The following TEP1 variants were observed in gnomAD, a reference collection of about 807,000 sequenced individuals.
The protein encoded by TEP1 is telomerase associated protein 1, also known as telomerase protein component 1.
Under a neutral mutation model 306.3 loss-of-function variants are expected in TEP1, and 241 were observed. The ratio of observed to expected loss-of-function variants is 0.79; its 90% confidence interval spans 0.71 to 0.88. TEP1 has a LOEUF of 0.88. TEP1 is among the 40% of genes least tolerant of loss of function. TEP1 has a pLI of 0.00. For synonymous variants in TEP1, 1,289 were observed against 1,305.5 expected (o/e 0.99, Z 0.27); for missense variants, 3,051 against 3,276.1 (o/e 0.93, Z 1.68).
chr14:20,391,231 G>C, intron 13 of TEP1, 135 bp from the exon 14 acceptor site: 2 of 929,832 alleles, frequency 2.2e-6, no homozygotes, highest in East Asian at 5.3e-5. Flanking sequence ...GTTAGGAGGG[G>C]TCAGCTTCAG....
chr14:20,372,288 A>T (rs1268687786), intron 49 of TEP1, among the ~76,000 whole-genome samples: 21 of 151,294 alleles, frequency 1.4e-4, no homozygotes, highest in Admixed American at 1.4e-3. Context: ...GAAAACTCCT[A>T]CTCATTCTGT....
Position 20,382,248 on chromosome 14 carries a change from T to C in TEP1, c.4249A>G (p.Thr1417Ala). Residue 1417 changes from threonine (T) to alanine (A), a missense_variant, in exon 29 of 55, where the codon ACT (threonine) becomes GCT (alanine). Thr to Ala is a moderately conservative substitution (Grantham distance 58). Coordinates refer to ENST00000262715, the MANE Select transcript of TEP1 (RefSeq NM_007110.5). ...CCACTCCGTGTGACTTCTAGGGCAGTCAAGGCCTGGGGAAGGACATCAGGC... is the reference window on the plus strand; with the variant it reads ...CCACTCCGTGTGACTTCTAGGGCAGCCAAGGCCTGGGGAAGGACATCAGGC... ...HGPDVLPQAL[T>A]ALEVTRSGLT... 6.2e-7 allele frequency: 1 copy of C among 1,614,102 alleles called. No individual in the cohort carries two copies. Among genetic ancestry groups the C allele is most frequent in the East Asian group, 2.2e-5 (1 of 44,868 alleles).
rs370020677 is a variant in TEP1, at chr14:20,408,423, C to T, written c.17G>A (p.Gly6Glu). The T allele has an allele frequency of 2.3e-5, 37 of 1,612,914 alleles. No homozygotes were observed. Among genetic ancestry groups the T allele is most frequent in the Non-Finnish European group, 3.1e-5 (36 of 1,179,808 alleles). The change falls in exon 2 of 55, where the codon GGG becomes GAG. Residue 6 changes from glycine to glutamate, a missense_variant. Around this residue, in one of 3 missense-constraint regions of TEP1, gnomAD observed 1,507 missense variants for 1,550.5 expected, o/e 0.97. Transcript: ENST00000262715. MEKLH[G>E]HVSAHPDILS... ...GATGTCTGGATGGGCAGACACATGC[C>T]CATGGAGTTTTTCCATGGCTGAAAC...
At chr14:20,398,118 G>A (rs544339864) in intron 9 of TEP1, among the ~76,000 whole-genome samples, 40 of 151,710 alleles carry the variant, frequency 2.6e-4, no homozygotes, top group African/African-American at 9.2e-4. Context: ...AGTGGCTCAC[G>A]CCTGTAATCC....
At chr14:20,409,455 C>T (rs943822929) in intron 1 of TEP1, among the ~76,000 whole-genome samples, 7 of 152,204 alleles carry the variant, frequency 4.6e-5, no homozygotes, top group African/African-American at 1.7e-4. Context: ...ACCTAGATCT[C>T]CCTTCTGAGC....
In TEP1 at chr14:20,396,737, A is replaced by C. The variant is rs779238142; in HGVS notation, c.1550-7T>G. On this transcript the variant is annotated splice_region_variant and splice_polypyrimidine_tract_variant and intron_variant, in intron 9 of 54. Coordinates refer to ENST00000262715, the MANE Select transcript of TEP1 (RefSeq NM_007110.5). ...AAGGGAAGCTTCCCATTTTCTGTGG[A>C]ATGTGGGGCATAGAGTGAGAAAAAC... 10 of 1,596,048 alleles carry C rather than the reference A, an allele frequency of 6.3e-6. No homozygotes were observed. Among genetic ancestry groups the C allele is most frequent in the Non-Finnish European group, 8.6e-6 (10 of 1,168,022 alleles).
chr14:20,390,341 A>G (rs866819208), intron 15 of TEP1, among the ~76,000 whole-genome samples: 2 of 152,348 alleles, frequency 1.3e-5, no homozygotes, highest in South Asian at 2.1e-4. Context: ...TACATCTACT[A>G]TATCAGGAGT....
chr14:20,403,553 T>A, intron 6 of TEP1, 105 bp from the exon 7 acceptor site: 2 of 1,591,322 alleles, frequency 1.3e-6, no homozygotes, highest in East Asian at 4.5e-5. Flanking sequence ...GGAAGCCAAC[T>A]AGAAAAGAAG....
At chr14:20,400,320 T>C (rs1049917159) in intron 9 of TEP1, among the ~76,000 whole-genome samples, 1 of 151,348 alleles carries the variant, frequency 6.6e-6, no homozygotes, top group Non-Finnish European at 1.5e-5. Flanking sequence ...GTGCAGTGGC[T>C]CATGCCTATA....
Position 20,385,107 on chromosome 14 carries a change from G to A in TEP1, c.2985C>T (p.Ala995=). 1 of 1,613,896 alleles carries A rather than the reference G, an allele frequency of 6.2e-7. No individual in the cohort carries two copies. Residue 995 remains alanine (A), a splice_region_variant and synonymous_variant, in exon 21 of 55, where the codon GCC becomes GCT. Transcript: ENST00000262715. ...NLPDHPHFHW[A]QQYPSGRSVT... is the part of the protein sequence containing the mutation. The stretch of plus-strand genomic sequence containing the variant: ...CAGAGCGCCCTGAAGGGTACTGCTG[G>A]GCCTGCGGGGAGGACAGAGACAGTG...
chr14:20,368,950 T>A (rs1193863834), intron 53 of TEP1, 48 bp from the exon 54 acceptor site: 2 of 1,356,600 alleles, frequency 1.5e-6, no homozygotes, highest in Admixed American at 3.7e-5. Flanking sequence ...CAGGGGCCCC[T>A]CCTCAGAGAA....
At chr14:20,369,297 T>C (rs772413075) in intron 53 of TEP1, 47 bp downstream of exon 53, 1 of 1,602,582 alleles carries the variant, frequency 6.2e-7, no homozygotes, top group Non-Finnish European at 8.5e-7. Context: ...TGTGAGCCAC[T>C]GCTCCCAGCC....
intron 2 of TEP1, among the ~76,000 whole-genome samples, chr14:20,407,472 C>G (rs1879268571): frequency 1.3e-5 from 2 of 152,170 alleles, no homozygotes; most frequent in South Asian, 2.1e-4. Context: ...TCCCAAATAG[C>G]TGGGATTACA....
At chr14:20,412,662 T>C (rs1212179439) in intron 1 of TEP1, among the ~76,000 whole-genome samples, 1 of 149,956 alleles carries the variant, frequency 6.7e-6, no homozygotes, top group East Asian at 2.0e-4. Context: ...AACACATTAA[T>C]ACCCACCTCA....
intron 3 of TEP1, among the ~76,000 whole-genome samples, chr14:20,406,022 A>G (rs997610388): frequency 3.9e-4 from 59 of 152,048 alleles, no homozygotes; most frequent in African/African-American, 1.4e-3. Flanking sequence ...AAAAAAAAAA[A>G]AAAAGAAAAG....
At position 20,374,491 on chromosome 14, in the gene TEP1, A is replaced by C; in HGVS notation, c.6409T>G (p.Ser2137Ala). The change falls in exon 44 of 55, where the codon TCA (serine) becomes GCA (alanine). Residue 2137 changes from serine (S) to alanine (A), a missense_variant. By Grantham distance (99) the Ser-to-Ala change is moderately conservative. Coordinates refer to ENST00000262715, the MANE Select transcript of TEP1 (RefSeq NM_007110.5). ...DGSVGLWDPE[S>A]GQRLGQFLGH... is the part of the protein sequence containing the mutation. Reference sequence around the variant, plus strand: ...AGGAACTGACCAAGCCGCTGTCCTGACTCTGGGTCCCAGAGCCCCACAGAG... The same window carrying C: ...AGGAACTGACCAAGCCGCTGTCCTGCCTCTGGGTCCCAGAGCCCCACAGAG... The C allele has an allele frequency of 6.2e-7, 1 of 1,613,440 alleles. No homozygotes were observed. Among genetic ancestry groups the C allele is most frequent in the Non-Finnish European group, 8.5e-7 (1 of 1,179,916 alleles).
At chr14:20,404,224 G>A (rs544401934) in intron 5 of TEP1, among the ~76,000 whole-genome samples, 14 of 152,066 alleles carry the variant, frequency 9.2e-5, no homozygotes, top group Middle Eastern at 3.4e-3. Flanking sequence ...GCGTGGTGGC[G>A]CACGCCTGTA....
In TEP1 at chr14:20,388,026, G is replaced by A. The variant is rs1271102377; in HGVS notation, c.2563C>T (p.His855Tyr). 6.2e-7 allele frequency: 1 copy of A among 1,614,188 alleles called. No individual in the cohort carries two copies. Among genetic ancestry groups the A allele is most frequent in the East Asian group, 2.2e-5 (1 of 44,886 alleles). ...AEHGASHLLEHVGQMDKIFKI... is the reference protein window; with the variant it reads ...AEHGASHLLEYVGQMDKIFKI... Reference sequence around the variant, plus strand: ...AATATTTTGTCCATTTGGCCCACATGTTCCAGAAGATGGGAGGCCCCATGC... The same window carrying A: ...AATATTTTGTCCATTTGGCCCACATATTCCAGAAGATGGGAGGCCCCATGC... Residue 855 changes from histidine (H) to tyrosine (Y), a missense_variant, in exon 18 of 55, where the codon CAT becomes TAT. His to Tyr is a moderately conservative substitution (Grantham distance 83, BLOSUM62 2). Coordinates refer to ENST00000262715, the MANE Select transcript of TEP1 (RefSeq NM_007110.5).
rs768973014 is a variant in TEP1 at position 20,408,346 on chromosome 14, C to G, written c.94G>C (p.Glu32Gln). The G allele has an allele frequency of 5.0e-6, 8 of 1,613,884 alleles. No individual in the cohort carries two copies. The highest frequency in any genetic ancestry group is 1.1e-5 in the South Asian group (1 of 91,052). Residue 32 changes from glutamate (E) to glutamine (Q), a missense_variant, in exon 2 of 55, where the codon GAG becomes CAG. By Grantham distance (29) the Glu-to-Gln change is conservative. Coordinates refer to ENST00000262715, the MANE Select transcript of TEP1 (RefSeq NM_007110.5). ...GTAGATACATGCTGATGTAGTTTCT[C>G]CAAGGGCTGTAAGTCAGGGAGCATA... ...LAMLPDLQPL[E>Q]KLHQHVSTHS...
Sources: gnomAD v4.1 joint callset for allele counts (sites outside exome capture counted in the v4.1 genomes callset) on GRCh38, gnomAD v4.1.1 for gene constraint, gnomAD v4.1.1 regional missense constraint, MANE v1.5 for transcripts, NCBI Gene and HGNC (gene_info 2026-07-23, HGNC 2026-07-21) for gene names.